Variants in CTNNA1 observed in about 807,000 individuals in gnomAD.
The protein encoded by CTNNA1 is catenin alpha 1.
Under a neutral mutation model 98.4 loss-of-function variants are expected in CTNNA1, and 37 were observed. That is an observed-to-expected ratio of 0.38 (90% confidence interval 0.29 to 0.49). The LOEUF (loss-of-function observed/expected upper bound fraction) is 0.49. Among genes scored for constraint, CTNNA1 ranks in the 20% least tolerant of loss-of-function variants. CTNNA1 has a pLI of 0.95. For synonymous variants in CTNNA1, 404 were observed against 413.2 expected (o/e 0.98, Z 0.27); for missense variants, 761 against 1,147.2 (o/e 0.66, Z 4.86).
intron 10 of CTNNA1, 36 bp from the exon 11 acceptor site, chr5:138,917,706 A>AAC: frequency 1.9e-6 from 3 of 1,606,550 alleles, no homozygotes; most frequent in South Asian, 1.1e-5. Context: ...ATGACTCTGA[A>AAC]AAAGAGTAAA....
intron 7 of CTNNA1, chr5:138,875,290 A>G (rs929225198): frequency 3.5e-6 from 2 of 563,632 alleles, no homozygotes; most frequent in Non-Finnish European, 4.6e-6. Context: ...CTGGAGCAGC[A>G]TGAGTGCATT....
chr5:138,769,312 G>A (rs1753266717), intron 1 of CTNNA1, among the ~76,000 whole-genome samples: 1 of 151,828 alleles, frequency 6.6e-6, no homozygotes, highest in African/African-American at 2.4e-5. Flanking sequence ...TCTTAGCTGT[G>A]TGAAAGGTTT....
chr5:138,896,273 A>T (rs1411746349), intron 9 of CTNNA1, among the ~76,000 whole-genome samples: 1 of 152,048 alleles, frequency 6.6e-6, no homozygotes, highest in Non-Finnish European at 1.5e-5. Flanking sequence ...TTTTGCCCAC[A>T]CTGGTCTCAA....
intron 7 of CTNNA1, among the ~76,000 whole-genome samples, chr5:138,881,450 G>C (rs1428163393): frequency 5.9e-5 from 9 of 152,110 alleles, no homozygotes; most frequent in Non-Finnish European, 1.3e-4. Flanking sequence ...ACACTGTGTT[G>C]CCCAGCCCAC....
chr5:138,907,977 TTTC>T (rs1236525088), intron 10 of CTNNA1, among the ~76,000 whole-genome samples: 20 of 151,746 alleles, frequency 1.3e-4, no homozygotes, highest in South Asian at 2.1e-4. Flanking sequence ...CCCTTTTTTT[TTTC>T]TTCTTCTTCT....
intron 5 of CTNNA1, among the ~76,000 whole-genome samples, chr5:138,819,911 A>G (rs1237551389): frequency 1.3e-5 from 2 of 151,200 alleles, no homozygotes; most frequent in Admixed American, 6.6e-5. Flanking sequence ...GTGAGTTCTC[A>G]CAGATCTGGT....
chr5:138,899,162 T>G (rs914711629), intron 9 of CTNNA1, among the ~76,000 whole-genome samples: 1 of 152,172 alleles, frequency 6.6e-6, no homozygotes, highest in Non-Finnish European at 1.5e-5. Flanking sequence ...CAGGTGGTGG[T>G]TTTGCTTATT....
chr5:138,754,088 CT>C (rs1561487266), intron 1 of CTNNA1: 1 of 152,370 alleles, frequency 6.6e-6, no homozygotes. Context: ...TCCCATACAG[CT>C]TCGCCGTAGG....
At chr5:138,782,052 A>G (rs1334459449) in intron 2 of CTNNA1, 23 bp downstream of exon 2, 6 of 1,599,418 alleles carry the variant, frequency 3.8e-6, no homozygotes, top group Non-Finnish European at 5.1e-6. Context: ...AAACACAAAT[A>G]CATTGTAACA....
At chr5:138,856,941 G>A (rs1428107862) in intron 7 of CTNNA1, among the ~76,000 whole-genome samples, 1 of 152,152 alleles carries the variant, frequency 6.6e-6, no homozygotes, top group Non-Finnish European at 1.5e-5. Context: ...ACACTTGAAA[G>A]TTGTCATGGG....
intron 1 of CTNNA1, among the ~76,000 whole-genome samples, chr5:138,762,307 G>T (rs986949035): frequency 6.6e-6 from 1 of 152,170 alleles, no homozygotes; most frequent in African/African-American, 2.4e-5. Context: ...GGACTGAACA[G>T]TGTGGGGAAT....
intron 5 of CTNNA1, among the ~76,000 whole-genome samples, chr5:138,812,522 T>C (rs1363735418): frequency 6.6e-6 from 1 of 152,234 alleles, no homozygotes; most frequent in Non-Finnish European, 1.5e-5. Context: ...GTGAACATTT[T>C]ATCTTAAGTA....
chr5:138,867,839 A>G (rs547363468), intron 7 of CTNNA1, among the ~76,000 whole-genome samples: 4 of 147,850 alleles, frequency 2.7e-5, no homozygotes, highest in Admixed American at 6.9e-5. Flanking sequence ...TGCAACCTCC[A>G]CCTCCGGGTT....
At chr5:138,755,631 C>T (rs1751549539) in intron 1 of CTNNA1, among the ~76,000 whole-genome samples, 1 of 152,144 alleles carries the variant, frequency 6.6e-6, no homozygotes, top group Non-Finnish European at 1.5e-5. Flanking sequence ...TGTGCAGTCT[C>T]TTCTGTCATC....
intron 10 of CTNNA1, among the ~76,000 whole-genome samples, chr5:138,905,077 G>C: frequency 7.2e-6 from 1 of 138,800 alleles, no homozygotes; most frequent in East Asian, 2.0e-4. Flanking sequence ...CTGGGCGACA[G>C]AGCAAGACTC....
chr5:138,824,469 T>C, intron 5 of CTNNA1, 61 bp from the exon 6 acceptor site: 1 of 1,546,038 alleles, frequency 6.5e-7, no homozygotes, highest in Non-Finnish European at 8.7e-7. Context: ...CCAGCAAATT[T>C]TTATATGAGT....
At chr5:138,902,868 C>G (rs1431767373) in intron 9 of CTNNA1, among the ~76,000 whole-genome samples, 1 of 152,150 alleles carries the variant, frequency 6.6e-6, no homozygotes, top group East Asian at 1.9e-4. Flanking sequence ...CAAGCTTTCT[C>G]CTTCAATGAA....
intron 2 of CTNNA1, among the ~76,000 whole-genome samples, chr5:138,782,672 A>G (rs919909348): frequency 1.3e-5 from 2 of 152,226 alleles, no homozygotes; most frequent in African/African-American, 2.4e-5. Context: ...AAGCGTCATC[A>G]CTGTAGGCTT....
intron 1 of CTNNA1, among the ~76,000 whole-genome samples, chr5:138,759,965 C>T (rs1417611594): frequency 2.7e-5 from 4 of 147,968 alleles, no homozygotes; most frequent in Non-Finnish European, 5.9e-5. Context: ...GGAATCCTCT[C>T]CCAGAATTTC....
Sources: gnomAD v4.1 joint callset for allele counts (sites outside exome capture counted in the v4.1 genomes callset) on GRCh38, gnomAD v4.1.1 for gene constraint, MANE v1.5 for transcripts, NCBI Gene and HGNC (gene_info 2026-07-23, HGNC 2026-07-21) for gene names.